CARMIL1: variants seen among roughly 807,000 people sequenced by gnomAD.
CARMIL1 encodes the protein F-actin-uncapping protein LRRC16A.
In CARMIL1, 90 loss-of-function variants were observed where a neutral mutation model predicts 177.1. The ratio of observed to expected loss-of-function variants is 0.51; its 90% CI spans 0.43 to 0.61. CARMIL1 has a LOEUF of 0.61. Among genes scored for constraint, CARMIL1 ranks in the 20% least tolerant of loss-of-function variants. CARMIL1 has a pLI of 0.00. For synonymous variants in CARMIL1, 577 were observed against 606.2 expected (o/e 0.95, Z 0.71); for missense variants, 1,380 against 1,667.0 (o/e 0.83, Z 3.00).
At position 25,326,852 on chromosome 6, in the gene CARMIL1, A is replaced by G. The variant is rs1413630915; in HGVS notation, c.138+41943A>G. Among the ~76,000 whole-genome samples the G allele has an allele frequency of 6.6e-6, 1 of 152,058 alleles. No individual in the cohort carries two copies. The highest frequency in any genetic ancestry group is 2.1e-4 in the South Asian group (1 of 4,828). On this transcript the variant is annotated intron_variant, in intron 2 of 36. Coordinates refer to ENST00000329474, the MANE Select transcript of CARMIL1 (RefSeq NM_017640.6). The surrounding 1 kb of genome is among the most constrained non-coding windows in gnomAD (Gnocchi z 4.2). ...TATTAATGTTTCAAGACGGAATCCC[A>G]CTGTCACCCAGGCTGGAGTGCAGTG...
At chr6:25,536,647 A>T (rs1808330856) in intron 24 of CARMIL1, among the ~76,000 whole-genome samples, 1 of 152,138 alleles carries the variant, frequency 6.6e-6, no homozygotes. Context: ...CTGACTTTAC[A>T]AAGAAAAAGG....
At chr6:25,619,057 C>T (rs1231044475) in intron 36 of CARMIL1, among the ~76,000 whole-genome samples, 1 of 152,210 alleles carries the variant, frequency 6.6e-6, no homozygotes. Flanking sequence ...GCCCTGTTCT[C>T]TGTGCTGTGT....
rs185456425 is a variant in CARMIL1 at position 25,513,312 on chromosome 6, G to T, written c.1633-2363G>T. 1.1e-4 allele frequency among the ~76,000 whole-genome samples: 16 copies of T among 152,242 alleles called. 1 individual carries two copies. The highest frequency in any genetic ancestry group is 3.9e-4 in the African/African-American group (16 of 41,542). On this transcript the variant is annotated intron_variant, in intron 20 of 36. Transcript: ENST00000329474. ...TTTTAGTTGTCATTTCCACTTACCT[G>T]TATGTAGGATGTTAAGAAAATTGAA...
intron 2 of CARMIL1, among the ~76,000 whole-genome samples, chr6:25,391,784 T>G (rs1792846084): frequency 6.6e-6 from 1 of 152,080 alleles, no homozygotes; most frequent in South Asian, 2.1e-4. Flanking sequence ...AGAGGCATGG[T>G]GGATTGTCCA....
chr6:25,601,697 A>G (rs1186256461), intron 33 of CARMIL1, among the ~76,000 whole-genome samples: 2 of 152,228 alleles, frequency 1.3e-5, no homozygotes, highest in Non-Finnish European at 2.9e-5. Flanking sequence ...GCTACAGAGA[A>G]TAACTTCATA....
chr6:25,552,629 A>G (rs1244744019), intron 27 of CARMIL1, among the ~76,000 whole-genome samples: 1 of 152,206 alleles, frequency 6.6e-6, no homozygotes, highest in Non-Finnish European at 1.5e-5. Context: ...CCAGGAAGGA[A>G]GCATAGTATC....
At chr6:25,569,166 A>G (rs1191367122) in intron 29 of CARMIL1, among the ~76,000 whole-genome samples, 1 of 152,252 alleles carries the variant, frequency 6.6e-6, no homozygotes, top group African/African-American at 2.4e-5. Context: ...TGGAAAAATA[A>G]CTATCAAAAT....
chr6:25,505,588 G>C (rs1315422521), intron 17 of CARMIL1, among the ~76,000 whole-genome samples: 1 of 152,102 alleles, frequency 6.6e-6, no homozygotes, highest in Non-Finnish European at 1.5e-5. Context: ...GAGTAGCTGG[G>C]ATTACAGGCA....
At chr6:25,406,696 T>C (rs9467503) in intron 2 of CARMIL1, among the ~76,000 whole-genome samples, 65,014 of 151,702 alleles carry the variant, frequency 0.43, 14,086 homozygotes, top group Middle Eastern at 0.57. Flanking sequence ...TTTCTGGCTT[T>C]GGAAACCATA....
intron 2 of CARMIL1, among the ~76,000 whole-genome samples, chr6:25,308,814 C>A (rs568313753): frequency 1.3e-5 from 2 of 152,244 alleles, no homozygotes; most frequent in South Asian, 4.1e-4. Context: ...AAAGGAAGCT[C>A]ATTTTTCCTT....
chr6:25,501,298 C>T (rs1047555513), intron 17 of CARMIL1, among the ~76,000 whole-genome samples: 4 of 152,112 alleles, frequency 2.6e-5, no homozygotes, highest in African/African-American at 9.7e-5. Flanking sequence ...GTCCATCTTC[C>T]TTCCCCTCCC....
intron 29 of CARMIL1, 31 bp downstream of exon 29, chr6:25,556,881 C>T (rs771847968): frequency 1.2e-6 from 2 of 1,603,236 alleles, no homozygotes; most frequent in Non-Finnish European, 1.7e-6. Context: ...GTACCGTTAC[C>T]CTTTTCACTG....
intron 17 of CARMIL1, among the ~76,000 whole-genome samples, chr6:25,504,802 G>T (rs142694574): frequency 7.2e-5 from 11 of 152,276 alleles, no homozygotes; most frequent in African/African-American, 2.6e-4. Context: ...TGAGCCAAGC[G>T]TGAGCACTTT....
chr6:25,372,052 A>G (rs1006498110), intron 2 of CARMIL1, among the ~76,000 whole-genome samples: 2 of 152,206 alleles, frequency 1.3e-5, no homozygotes, highest in Middle Eastern at 3.4e-3. Flanking sequence ...TCAAAGATCA[A>G]TTGTGGTTGT....
chr6:25,396,563 T>C (rs1183427535), intron 2 of CARMIL1, among the ~76,000 whole-genome samples: 1 of 152,050 alleles, frequency 6.6e-6, no homozygotes, highest in Non-Finnish European at 1.5e-5. Context: ...GGTTTCACCA[T>C]GTTGGCCAGG....
At chr6:25,459,213 T>TCTTC (rs1799803699) in intron 8 of CARMIL1, among the ~76,000 whole-genome samples, 1 of 43,388 alleles carries the variant, frequency 2.3e-5, no homozygotes, top group African/African-American at 1.0e-4. Flanking sequence ...CCCAACTTTT[T>TCTTC]CTTTCTTTCT....
At chr6:25,536,857 C>T (rs1404155545) in intron 24 of CARMIL1, among the ~76,000 whole-genome samples, 1 of 152,120 alleles carries the variant, frequency 6.6e-6, no homozygotes, top group African/African-American at 2.4e-5. Context: ...TGTTTGTCTC[C>T]TCTGCCAAAT....
chr6:25,529,025 G>T, intron 24 of CARMIL1, 132 bp downstream of exon 24: 1 of 683,286 alleles, frequency 1.5e-6, no homozygotes, highest in Non-Finnish European at 2.4e-6. Flanking sequence ...ACAAATCTAA[G>T]TAGAGTTTGA....
intron 31 of CARMIL1, among the ~76,000 whole-genome samples, 194 bp downstream of exon 31, chr6:25,581,633 C>T (rs911719211): frequency 3.9e-5 from 6 of 152,168 alleles, no homozygotes; most frequent in African/African-American, 1.4e-4. Flanking sequence ...GATTGTGTCA[C>T]TTAAATAAAA....
Sources: gnomAD v4.1 joint callset for allele counts (sites outside exome capture counted in the v4.1 genomes callset) on GRCh38, gnomAD v4.1.1 for gene constraint, Gnocchi (gnomAD v3.1) non-coding constraint, MANE v1.5 for transcripts, NCBI Gene and HGNC (gene_info 2026-07-23, HGNC 2026-07-21) for gene names.